NBEA: variants seen among roughly 807,000 people sequenced by gnomAD.
NBEA encodes the protein neurobeachin.
Under a neutral mutation model 343.4 loss-of-function variants are expected in NBEA, and 44 were observed. The observed-to-expected ratio is 0.13, with a 90% CI of 0.10 to 0.16. The LOEUF is 0.16. Among genes scored for constraint, NBEA ranks in the 10% least tolerant of loss-of-function variants. The pLI is 1.00. For missense variants in NBEA, 2,555 were observed against 3,631.3 expected (o/e 0.70, Z 7.62); for synonymous variants, 1,175 against 1,238.7 (o/e 0.95, Z 1.08).
At position 35,159,825 on chromosome 13, in the gene NBEA, C is replaced by T. The variant is rs1159095154; in HGVS notation, c.3654C>T (p.Ser1218=). 4 of 1,609,824 alleles carry T rather than the reference C, an allele frequency of 2.5e-6. No individual in the cohort carries two copies. Among genetic ancestry groups the T allele is most frequent in the Non-Finnish European group, 3.4e-6 (4 of 1,177,866 alleles). ...TCCATACAACTTCAGATGGAATGAG[C>T]AGTATTTCTGAAAGAGACTTAGCGT... ...FKIHTTSDGM[S]SISERDLASS... is the part of the protein sequence containing the mutation. The change falls in exon 22 of 59, where the codon AGC becomes AGT. Residue 1218 remains serine, a synonymous_variant. Transcript: ENST00000379939.
intron 17 of NBEA, among the ~76,000 whole-genome samples, chr13:35,137,163 C>T (rs891138406): frequency 4.6e-5 from 7 of 151,940 alleles, no homozygotes; most frequent in African/African-American, 1.7e-4. Flanking sequence ...TAGAAAAAAG[C>T]CCTTTGGCCG....
intron 34 of NBEA, among the ~76,000 whole-genome samples, chr13:35,260,112 C>T (rs73489532): frequency 0.023 from 3,541 of 152,218 alleles, 94 homozygotes; most frequent in African/African-American, 0.064. Context: ...AGATCATGTC[C>T]ACACTTCTTC....
intron 46 of NBEA, among the ~76,000 whole-genome samples, chr13:35,585,742 G>A (rs191837563): frequency 8.4e-4 from 127 of 151,922 alleles, no homozygotes; most frequent in Non-Finnish European, 1.3e-3. Flanking sequence ...TGTACCTGCT[G>A]TGGTTAAATG....
At chr13:35,255,658 C>T (rs983388427) in intron 34 of NBEA, among the ~76,000 whole-genome samples, 25 of 152,350 alleles carry the variant, frequency 1.6e-4, no homozygotes, top group Non-Finnish European at 2.8e-4. Context: ...AGCTTGGAGA[C>T]GCCAGAAATT....
intron 1 of NBEA, among the ~76,000 whole-genome samples, chr13:35,007,611 C>T (rs555996198): frequency 5.3e-5 from 8 of 152,194 alleles, no homozygotes; most frequent in African/African-American, 1.9e-4. Context: ...CCTGCAGCGG[C>T]CTCCTGAATA....
chr13:35,090,657 T>C (rs2065035692), intron 10 of NBEA, among the ~76,000 whole-genome samples: 1 of 151,922 alleles, frequency 6.6e-6, no homozygotes, highest in East Asian at 1.9e-4. Flanking sequence ...GAGATCAAGA[T>C]GTGGGGACTC....
At chr13:35,376,304 C>G (rs1410421486) in intron 38 of NBEA, among the ~76,000 whole-genome samples, 1 of 151,966 alleles carries the variant, frequency 6.6e-6, no homozygotes, top group African/African-American at 2.4e-5. Context: ...GAGTGAAAGC[C>G]TTCATCACTT....
In NBEA at chr13:35,672,373, A is replaced by T. The variant is rs2085647629; in HGVS notation, c.*1382A>T. 1 of 152,642 alleles carries T rather than the reference A, an allele frequency of 6.6e-6. No individual in the cohort carries two copies. The highest frequency in any genetic ancestry group is 1.5e-5 in the Non-Finnish European group (1 of 68,048). The allele number at this position is 152,642 out of a possible 1,614,324, so 9.5% of individuals were successfully genotyped here. ...TGTATTGGCACTTTGCACCAGAAAC[A>T]TATCATTATTTATTGATGTGATTAC... is the stretch of plus-strand genomic sequence containing the variant. On this transcript the variant is annotated 3_prime_UTR_variant, in exon 59 of 59. Transcript: ENST00000379939.
intron 45 of NBEA, among the ~76,000 whole-genome samples, chr13:35,582,764 C>T (rs2081114653): frequency 6.6e-6 from 1 of 152,088 alleles, no homozygotes; most frequent in East Asian, 1.9e-4. Context: ...TTCTAACAGA[C>T]TTTTTACTGC....
chr13:35,352,923 T>C (rs1394770714), intron 38 of NBEA, among the ~76,000 whole-genome samples: 2 of 152,136 alleles, frequency 1.3e-5, no homozygotes, highest in East Asian at 1.9e-4. Context: ...ATTGTTGTTG[T>C]TGTTGTTGTT....
chr13:35,422,263 G>T (rs1282011992), intron 38 of NBEA, among the ~76,000 whole-genome samples: 2 of 150,760 alleles, frequency 1.3e-5, no homozygotes. Context: ...TCGTCATTTA[G>T]CATCAGGTAT....
chr13:35,208,334 T>A (rs1407410622), intron 31 of NBEA, among the ~76,000 whole-genome samples: 3 of 152,208 alleles, frequency 2.0e-5, no homozygotes, highest in Non-Finnish European at 4.4e-5. Context: ...ATGGGTAAGA[T>A]GGACATTTTT....
At position 35,425,447 on chromosome 13, in the gene NBEA, T is replaced by C. The variant is rs2044597840; in HGVS notation, c.6180-6822T>C. ...AGCAGGTTGTTCAGTTTCCATGTAG[T>C]TGAGCGGTTTTGAGTGAGTTTCTTA... On this transcript the variant is annotated intron_variant, in intron 38 of 58. Transcript: ENST00000379939. 2.0e-5 allele frequency among the ~76,000 whole-genome samples: 3 copies of C among 152,180 alleles called. No homozygotes were observed. In the South Asian group the frequency reaches 6.2e-4, roughly 32 times the overall value.
chr13:35,100,139 TAAAC>T (rs1483218189), intron 11 of NBEA, among the ~76,000 whole-genome samples: 3 of 152,056 alleles, frequency 2.0e-5, no homozygotes, highest in Admixed American at 6.5e-5. Context: ...GATTAATGGA[TAAAC>T]AAAATGTGGT....
intron 38 of NBEA, among the ~76,000 whole-genome samples, chr13:35,402,806 A>G (rs894626376): frequency 3.3e-5 from 5 of 152,106 alleles, no homozygotes; most frequent in African/African-American, 1.2e-4. Context: ...AGATGATTGC[A>G]TAGCCTAAAG....
At chr13:35,240,219 A>G (rs1281838778) in intron 34 of NBEA, among the ~76,000 whole-genome samples, 2 of 151,944 alleles carry the variant, frequency 1.3e-5, no homozygotes, top group Non-Finnish European at 2.9e-5. Context: ...TTAAAAGAAT[A>G]AAGTATTTCT....
intron 41 of NBEA, among the ~76,000 whole-genome samples, chr13:35,487,901 A>G (rs531404008): frequency 2.0e-5 from 3 of 152,034 alleles, no homozygotes; most frequent in Non-Finnish European, 2.9e-5. Context: ...CGGTGCCTAG[A>G]AAGTATTACT....
At chr13:34,994,125 G>A (rs912142093) in intron 1 of NBEA, among the ~76,000 whole-genome samples, 1 of 148,722 alleles carries the variant, frequency 6.7e-6, no homozygotes, top group African/African-American at 2.5e-5. Flanking sequence ...TTGAACCTGG[G>A]TGGCAGAGGT....
rs200205390 is a variant in NBEA at position 35,478,245 on chromosome 13, G to GA, written c.6585+5713dup. 1.6e-4 allele frequency among the ~76,000 whole-genome samples: 25 copies of GA among 152,272 alleles called. No homozygotes were observed. In the East Asian group the frequency reaches 4.2e-3, roughly 26 times the overall value. ...AACAGTGATAGATTCCAATTTAGCTGAAAATAGTATACATTGGGGTGCGTG... is the reference window on the plus strand; with the variant it reads ...AACAGTGATAGATTCCAATTTAGCTGAAAAATAGTATACATTGGGGTGCGTG... On this transcript the variant is annotated intron_variant, in intron 41 of 58. Coordinates refer to ENST00000379939, the MANE Select transcript of NBEA (RefSeq NM_001385012.1).
Sources: allele counts gnomAD v4.1 joint callset (sites outside exome capture counted in the v4.1 genomes callset), GRCh38; gene constraint gnomAD v4.1.1; transcripts MANE v1.5; gene names NCBI Gene and HGNC (gene_info 2026-07-23, HGNC 2026-07-21).